The following CLDN10 variants were observed in gnomAD, a reference collection of about 807,000 sequenced individuals.
CLDN10 encodes the protein claudin 10.
A neutral mutation model predicts 22.9 loss-of-function variants in CLDN10; 15 were observed. The ratio of observed to expected loss-of-function variants is 0.65; its 90% confidence interval spans 0.44 to 1.01. The LOEUF (loss-of-function observed/expected upper bound fraction) is 1.01. Ranked by LOEUF, CLDN10 falls within the 50% of genes least tolerant of loss-of-function variation. The probability of loss-of-function intolerance (pLI) is 0.00; values close to 1 mark genes in which losing one functional copy is unlikely to be tolerated. For missense variants in CLDN10, 247 were observed against 287.8 expected (o/e 0.86, Z 1.03); for synonymous variants, 114 against 111.4 (o/e 1.02, Z -0.15).
chr13:95,539,849 A>G (rs1484373751), intron 1 of CLDN10, among the ~76,000 whole-genome samples: 1 of 152,136 alleles, frequency 6.6e-6, no homozygotes. Context: ...GATAATCTTG[A>G]CCCTTTAACA....
chr13:95,569,340 T>G (rs1012403658), intron 3 of CLDN10, among the ~76,000 whole-genome samples: 6 of 152,090 alleles, frequency 3.9e-5, no homozygotes, highest in African/African-American at 1.4e-4. Context: ...TCCCAGCACT[T>G]TGGGAGGCCA....
In CLDN10 at chr13:95,510,180, C is replaced by T. The variant is rs1461575335; in HGVS notation, c.215-49952C>T. On this transcript the variant is annotated intron_variant, in intron 1 of 4. Coordinates refer to the CLDN10 transcript ENST00000376873. ...TCCTTCCCTTTCCCCAGAGGGACACCCTGGAATGATAGCGAGAGTCTGGCT... is the reference window on the plus strand; with the variant it reads ...TCCTTCCCTTTCCCCAGAGGGACACTCTGGAATGATAGCGAGAGTCTGGCT... Among the ~76,000 whole-genome samples the T allele has an allele frequency of 3.3e-5, 5 of 152,160 alleles. No individual in the cohort carries two copies. The East Asian group carries it at 7.7e-4, about 23-fold the overall frequency.
At chr13:95,544,276 G>T (rs1364507693) in intron 1 of CLDN10, among the ~76,000 whole-genome samples, 1 of 152,112 alleles carries the variant, frequency 6.6e-6, no homozygotes, top group Non-Finnish European at 1.5e-5. Flanking sequence ...AATTTCATTG[G>T]CTGCTTTATT....
At position 95,552,899 on chromosome 13, in the gene CLDN10, T is replaced by C. The variant is rs1405643229; in HGVS notation, c.146T>C (p.Leu49Pro). 6.2e-7 allele frequency: 1 copy of C among 1,613,998 alleles called. No individual in the cohort carries two copies. Among genetic ancestry groups the C allele is most frequent in the African/African-American group, 1.3e-5 (1 of 74,918 alleles). ...ACAACCGCCACCTATTGGGCCAACC[T>C]GTGGAAGGCGTGCGTTACCGACTCC... ...VITTATYWAN[L>P]WKACVTDSTG... The change falls in exon 1 of 5, where the codon CTG (leucine) becomes CCG (proline). Residue 49 changes from leucine to proline, a missense_variant. Leu to Pro is a moderately conservative substitution (Grantham distance 98). Transcript: ENST00000299339.
chr13:95,554,720 A>G (rs945095267), intron 1 of CLDN10, among the ~76,000 whole-genome samples: 3 of 152,238 alleles, frequency 2.0e-5, no homozygotes, highest in African/African-American at 7.2e-5. Flanking sequence ...CCAAGTCAGT[A>G]CTTAATAGAA....
chr13:95,553,002 G>A (rs11620436), intron 1 of CLDN10, 29 bp downstream of exon 1: 1 of 1,610,724 alleles, frequency 6.2e-7, no homozygotes. Context: ...CCCGCCCTCA[G>A]CCCTCCTTCC....
intron 1 of CLDN10, among the ~76,000 whole-genome samples, chr13:95,444,904 C>T (rs1384014953): frequency 6.6e-6 from 1 of 152,206 alleles, no homozygotes; most frequent in Non-Finnish European, 1.5e-5. Flanking sequence ...AAGTGATTCT[C>T]GTGCCTCAGC....
chr13:95,451,310 C>T (rs2042429763), intron 1 of CLDN10, among the ~76,000 whole-genome samples: 1 of 152,226 alleles, frequency 6.6e-6, no homozygotes, highest in African/African-American at 2.4e-5. Flanking sequence ...CACCTTCTTT[C>T]ATCACTCCGC....
At chr13:95,563,125 T>TCTCC (rs1461973476) in intron 3 of CLDN10, among the ~76,000 whole-genome samples, 16 of 151,798 alleles carry the variant, frequency 1.1e-4, no homozygotes, top group Middle Eastern at 3.4e-3. Flanking sequence ...TCTCTCTCTC[T>TCTCC]CTCTCTCTCT....
chr13:95,541,159 T>C (rs1594599088), intron 1 of CLDN10, among the ~76,000 whole-genome samples: 2 of 152,248 alleles, frequency 1.3e-5, no homozygotes, highest in South Asian at 4.1e-4. Context: ...TGCTTGAGAA[T>C]AGTTGTAAAG....
At chr13:95,462,913 T>G (rs1470599561) in intron 1 of CLDN10, among the ~76,000 whole-genome samples, 1 of 152,176 alleles carries the variant, frequency 6.6e-6, no homozygotes, top group Non-Finnish European at 1.5e-5. Context: ...AAAAACAATC[T>G]ACGGGCTCAG....
At chr13:95,467,839 A>T (rs2042594989) in intron 1 of CLDN10, among the ~76,000 whole-genome samples, 1 of 152,210 alleles carries the variant, frequency 6.6e-6, no homozygotes, top group Non-Finnish European at 1.5e-5. Flanking sequence ...GCAGGCTCAA[A>T]ACTCAGGAAG....
chr13:95,513,098 T>A (rs959035793), intron 1 of CLDN10, among the ~76,000 whole-genome samples: 2 of 152,154 alleles, frequency 1.3e-5, no homozygotes, highest in Non-Finnish European at 2.9e-5. Context: ...CAGGTTGGTC[T>A]TGATCTCCTG....
At position 95,441,938 on chromosome 13, in the gene CLDN10, C is replaced by T. The variant is rs191914407; in HGVS notation, c.214+7891C>T. ...AGACAAGCCAGGTGGATCGCTTGAG[C>T]GCAGAAGTTTGAGACCAGCCTGGGC... On this transcript the variant is annotated intron_variant, in intron 1 of 4. Transcript: ENST00000376873. Among the ~76,000 whole-genome samples the T allele has an allele frequency of 1.6e-3, 241 of 152,222 alleles. 2 individuals are homozygous for T. The highest frequency in any genetic ancestry group is 2.6e-3 in the Non-Finnish European group (175 of 68,008).
chr13:95,488,950 C>CTTTTTTTTTTTTTTTTTTTTTT (rs58919737), intron 1 of CLDN10, among the ~76,000 whole-genome samples: 1 of 110,750 alleles, frequency 9.0e-6, no homozygotes, highest in Non-Finnish European at 1.7e-5. Context: ...ACTTTTTGTT[C>CTTTTTTTTTTTTTTTTTTTTTT]TTTTTTTTTT....
intron 1 of CLDN10, 45 bp from the exon 2 acceptor site, chr13:95,560,087 C>T (rs767311119): frequency 5.9e-6 from 9 of 1,528,436 alleles, no homozygotes; most frequent in East Asian, 2.3e-5. Context: ...TCTCCCTGGA[C>T]AGCCACATGC....
chr13:95,574,136 T>C (rs2043895487), intron 3 of CLDN10, among the ~76,000 whole-genome samples: 1 of 152,194 alleles, frequency 6.6e-6, no homozygotes, highest in African/African-American at 2.4e-5. Flanking sequence ...GACATTTGGG[T>C]TGGTTCCAAG....
At chr13:95,452,846 T>C (rs913659078) in intron 1 of CLDN10, among the ~76,000 whole-genome samples, 12 of 152,214 alleles carry the variant, frequency 7.9e-5, no homozygotes, top group African/African-American at 2.4e-4. Context: ...GTGGAAATAA[T>C]TTTCTAACAA....
chr13:95,493,652 C>T (rs943172600), intron 1 of CLDN10, among the ~76,000 whole-genome samples: 4 of 151,666 alleles, frequency 2.6e-5, no homozygotes, highest in Admixed American at 6.6e-5. Flanking sequence ...CTCCACCTTC[C>T]GGGTTCAAGA....
Sources: allele counts gnomAD v4.1 joint callset (sites outside exome capture counted in the v4.1 genomes callset), GRCh38; gene constraint gnomAD v4.1.1; transcripts MANE v1.5; gene names NCBI Gene and HGNC (gene_info 2026-07-23, HGNC 2026-07-21).